Variants in KMT2C observed in about 807,000 individuals in gnomAD.
KMT2C encodes lysine methyltransferase 2C, also known as histone-lysine N-methyltransferase 2C.
Under a neutral mutation model 507.9 loss-of-function variants are expected in KMT2C, and 88 were observed. That is an observed-to-expected ratio of 0.17 (90% CI 0.15 to 0.21). The LOEUF is 0.21. Ranked by LOEUF, KMT2C falls within the 10% of genes least tolerant of loss-of-function variation. The pLI is 1.00. For synonymous variants in KMT2C, 2,049 were observed against 2,080.8 expected (o/e 0.98, Z 0.42); for missense variants, 4,954 against 5,957.8 (o/e 0.83, Z 5.55).
Position 152,179,958 on chromosome 7 carries a change from G to T in KMT2C, c.7318C>A (p.Pro2440Thr), listed in dbSNP as rs146701329. 5 of 1,614,016 alleles carry T rather than the reference G, an allele frequency of 3.1e-6. No homozygotes were observed. In the African/African-American group the frequency reaches 5.3e-5, roughly 17 times the overall value. Residue 2440 changes from proline (P) to threonine (T), a missense_variant, in exon 37 of 59, where the codon CCT (proline) becomes ACT (threonine). Pro to Thr is a conservative substitution (Grantham distance 38). This residue lies in a region of KMT2C where 1,689 missense variants were observed against 1,654.3 expected (regional missense o/e 1.02). Coordinates refer to ENST00000262189, the MANE Select transcript of KMT2C (RefSeq NM_170606.3). ...QAFTRPPPPY[P>T]GNIRSPVAPP... ...GCAACAGGAGACCTAATGTTCCCAG[G>T]ATAGGGAGGTGGGGGTCTGGTGAAA...
intron 43 of KMT2C, among the ~76,000 whole-genome samples, chr7:152,160,930 T>C (rs987996335): frequency 6.6e-6 from 1 of 152,142 alleles, no homozygotes; most frequent in East Asian, 1.9e-4. Flanking sequence ...GTGAGAAAGG[T>C]ATCTGGAAAA....
chr7:152,200,389 A>G (rs769390623), intron 26 of KMT2C, among the ~76,000 whole-genome samples: 2 of 152,226 alleles, frequency 1.3e-5, no homozygotes, highest in African/African-American at 2.4e-5. Flanking sequence ...AAAAGCCCTA[A>G]AATACATTAC....
At chr7:152,298,470 G>T (rs2096536172) in intron 6 of KMT2C, among the ~76,000 whole-genome samples, 1 of 152,180 alleles carries the variant, frequency 6.6e-6, no homozygotes, top group Non-Finnish European at 1.5e-5. Flanking sequence ...GAGAAACAAT[G>T]CAAGTGAGAA....
rs558967734 is a variant in KMT2C, at chr7:152,297,188, A to T, written c.849+12778T>A. On this transcript the variant is annotated intron_variant, in intron 6 of 58. Coordinates refer to ENST00000262189, the MANE Select transcript of KMT2C (RefSeq NM_170606.3). ...AGAGCTTTGAGAAATGAGAAACAAA[A>T]GAGGTGAGCCCTACATATGCCCCAG... Among the ~76,000 whole-genome samples the T allele has an allele frequency of 6.6e-5, 10 of 152,280 alleles. No individual in the cohort carries two copies. The East Asian group carries it at 1.9e-3, about 29-fold the overall frequency.
chr7:152,315,471 C>T (rs1469043693), intron 3 of KMT2C, 133 bp from the exon 4 acceptor site: 1 of 627,122 alleles, frequency 1.6e-6, no homozygotes, highest in Admixed American at 2.9e-5. Flanking sequence ...CTATTTTCTA[C>T]AGTCTATTCA....
At chr7:152,319,641 C>T (rs955558116) in intron 3 of KMT2C, among the ~76,000 whole-genome samples, 1 of 152,014 alleles carries the variant, frequency 6.6e-6, no homozygotes, top group Non-Finnish European at 1.5e-5. Context: ...CAGTCAGGCC[C>T]GCCCGCAGTT....
At position 152,435,752 on chromosome 7, in the gene KMT2C, G is replaced by T; in HGVS notation, c.35C>A (p.Pro12Gln). 6.6e-7 allele frequency: 1 copy of T among 1,519,026 alleles called. No homozygotes were observed. The highest frequency in any genetic ancestry group is 2.1e-5 in the Admixed American group (1 of 48,024). 94.1% of individuals were successfully genotyped at this position (1,519,026 alleles called of 1,614,324 possible). A position where few individuals can be genotyped will look rare whatever the true frequency, so the allele number is the denominator to read the frequency against. Residue 12 changes from proline (P) to glutamine (Q), a missense_variant, in exon 1 of 59, where the codon CCG becomes CAG. Transcript: ENST00000262189. The stretch of plus-strand genomic sequence containing the variant: ...CTCGGGGGGTGGTGGCGGCGGCTGC[G>T]GCTGCTCCACGCTCTTGTCCTCCTC... ...SSEEDKSVEQ[P>Q]QPPPPPPEEP...
intron 2 of KMT2C, among the ~76,000 whole-genome samples, chr7:152,338,147 C>T (rs758898825): frequency 1.6e-4 from 25 of 152,220 alleles, no homozygotes; most frequent in Middle Eastern, 3.4e-3. Flanking sequence ...CATGAGCCAC[C>T]GTGCCCAGCC....
intron 38 of KMT2C, among the ~76,000 whole-genome samples, chr7:152,174,961 T>A (rs1180649851): frequency 3.9e-5 from 6 of 152,184 alleles, no homozygotes; most frequent in African/African-American, 1.4e-4. Flanking sequence ...TTTATTTCCA[T>A]CATAATTTTC....
At chr7:152,310,365 T>A (rs973067725) in intron 5 of KMT2C, among the ~76,000 whole-genome samples, 45 of 152,130 alleles carry the variant, frequency 3.0e-4, no homozygotes, top group African/African-American at 1.1e-3. Context: ...CTTTTGAGGC[T>A]GGGAACTTGA....
At chr7:152,348,686 T>C (rs773684793) in intron 2 of KMT2C, among the ~76,000 whole-genome samples, 3 of 141,060 alleles carry the variant, frequency 2.1e-5, no homozygotes, top group Non-Finnish European at 4.6e-5. Context: ...CATAAACAGA[T>C]GGGCAGATAA....
At chr7:152,398,069 T>C (rs958193139) in intron 1 of KMT2C, among the ~76,000 whole-genome samples, 5 of 152,198 alleles carry the variant, frequency 3.3e-5, no homozygotes, top group African/African-American at 9.6e-5. Flanking sequence ...CTGACCACCT[T>C]AGCCACATGC....
intron 6 of KMT2C, among the ~76,000 whole-genome samples, chr7:152,280,760 AATTGCTTT>A (rs1277109168): frequency 6.6e-6 from 1 of 152,202 alleles, no homozygotes; most frequent in Non-Finnish European, 1.5e-5. Context: ...AGTTTATGGT[AATTGCTTT>A]ATTGTAACAG....
rs1430821740 is a variant in KMT2C at position 152,259,020 on chromosome 7, T to A, written c.1299+3996A>T. On this transcript the variant is annotated intron_variant, in intron 9 of 58. Transcript: ENST00000262189. ...GCTTCCAGCTGTGATACCCTGAGGATGGATCAGTACTTTGCAGTATTCTGG... is the reference window on the plus strand; with the variant it reads ...GCTTCCAGCTGTGATACCCTGAGGAAGGATCAGTACTTTGCAGTATTCTGG... Among the ~76,000 whole-genome samples, 3 of 152,178 alleles carry A rather than the reference T, an allele frequency of 2.0e-5. No homozygotes were observed. In the East Asian group the frequency reaches 5.8e-4, roughly 29 times the overall value.
In KMT2C at chr7:152,402,114, A is replaced by C. The variant is rs557140652; in HGVS notation, c.161+33512T>G. Among the ~76,000 whole-genome samples the C allele has an allele frequency of 1.7e-4, 15 of 88,488 alleles. No homozygotes were observed. The East Asian group carries it at 3.6e-3, about 21-fold the overall frequency. The allele number at this position is 88,488 out of a possible 152,430, so 58.1% of individuals were successfully genotyped here. On this transcript the variant is annotated intron_variant, in intron 1 of 58. Transcript: ENST00000262189. The stretch of plus-strand genomic sequence containing the variant: ...AACAAGAGTGAAACTCCGTCTCAAA[A>C]AAACAAACAAACAAACAAAAGTTAC...
intron 43 of KMT2C, 117 bp from the exon 44 acceptor site, chr7:152,159,189 A>G (rs2092294523): frequency 9.9e-6 from 8 of 812,148 alleles, no homozygotes; most frequent in Non-Finnish European, 1.6e-5. Flanking sequence ...GTATTAAATA[A>G]GTAGGGAAGA....
chr7:152,246,172 C>A (rs1204370668), intron 14 of KMT2C, among the ~76,000 whole-genome samples: 1 of 152,196 alleles, frequency 6.6e-6, no homozygotes, highest in Non-Finnish European at 1.5e-5. Flanking sequence ...AATTCATACT[C>A]TCCCTAATAA....
rs186241943 is a variant in KMT2C, at chr7:152,346,456, A to G, written c.250+12131T>C. Among the ~76,000 whole-genome samples, 378 of 152,370 alleles carry G rather than the reference A, an allele frequency of 2.5e-3. 2 individuals are homozygous for G. Among genetic ancestry groups the G allele is most frequent in the African/African-American group, 8.7e-3 (360 of 41,586 alleles). ...TAGCTTAAAATCCCAAAATACTGAG[A>G]CATTAAACAATACACTTCTAAATAA... On this transcript the variant is annotated intron_variant, in intron 2 of 58. Coordinates refer to ENST00000262189, the MANE Select transcript of KMT2C (RefSeq NM_170606.3).
intron 2 of KMT2C, among the ~76,000 whole-genome samples, chr7:152,354,292 T>C (rs2097135965): frequency 6.6e-6 from 1 of 152,214 alleles, no homozygotes; most frequent in Non-Finnish European, 1.5e-5. Flanking sequence ...AGTTTTGTTG[T>C]AATGTTGTAA....
Sources: gnomAD v4.1 joint callset for allele counts (sites outside exome capture counted in the v4.1 genomes callset) on GRCh38, gnomAD v4.1.1 for gene constraint, gnomAD v4.1.1 regional missense constraint, MANE v1.5 for transcripts, NCBI Gene and HGNC (gene_info 2026-07-23, HGNC 2026-07-21) for gene names.